HSDL2: variants seen among roughly 807,000 people sequenced by gnomAD.
The protein encoded by HSDL2 is hydroxysteroid dehydrogenase like 2, also known as hydroxysteroid dehydrogenase-like protein 2.
Under a neutral mutation model 46.3 loss-of-function variants are expected in HSDL2, and 27 were observed. The observed-to-expected ratio is 0.58, with a 90% CI of 0.43 to 0.80. The LOEUF (loss-of-function observed/expected upper bound fraction) is 0.80, where lower values mean the gene tolerates loss of function less well. Among genes scored for constraint, HSDL2 ranks in the 30% least tolerant of loss-of-function variants. The probability of loss-of-function intolerance (pLI) is 0.00; values close to 1 mark genes in which losing one functional copy is unlikely to be tolerated. For synonymous variants in HSDL2, 153 were observed against 163.6 expected (o/e 0.94, Z 0.50); for missense variants, 451 against 502.7 (o/e 0.90, Z 0.98).
intron 6 of HSDL2, among the ~76,000 whole-genome samples, chr9:112,429,332 G>A (rs1292394519): frequency 6.6e-6 from 1 of 152,160 alleles, no homozygotes; most frequent in African/African-American, 2.4e-5. Context: ...GGCAACATGG[G>A]TACTAAGATG....
At chr9:112,463,840 T>A (rs1008363971) in intron 10 of HSDL2, among the ~76,000 whole-genome samples, 2 of 151,862 alleles carry the variant, frequency 1.3e-5, no homozygotes, top group African/African-American at 2.4e-5. Context: ...TTTGTATTTT[T>A]ACTAGAGACG....
intron 10 of HSDL2, among the ~76,000 whole-genome samples, chr9:112,464,159 G>A (rs897228962): frequency 6.6e-6 from 1 of 151,732 alleles, no homozygotes; most frequent in Non-Finnish European, 1.5e-5. Flanking sequence ...TTGAGGCCAG[G>A]AGTATGAGAC....
intron 5 of HSDL2, among the ~76,000 whole-genome samples, chr9:112,418,627 T>C (rs1832049503): frequency 6.6e-6 from 1 of 151,990 alleles, no homozygotes; most frequent in Non-Finnish European, 1.5e-5. Context: ...TATGTGTGTA[T>C]TACTATTTTC....
chr9:112,403,212 A>G (rs1041587020), intron 1 of HSDL2, among the ~76,000 whole-genome samples: 4 of 152,146 alleles, frequency 2.6e-5, no homozygotes, highest in Non-Finnish European at 5.9e-5. Flanking sequence ...TAATCATCCT[A>G]GAAGGAAACC....
At chr9:112,406,573 C>T (rs559153038) in intron 3 of HSDL2, among the ~76,000 whole-genome samples, 4 of 152,096 alleles carry the variant, frequency 2.6e-5, no homozygotes, top group Admixed American at 1.3e-4. Flanking sequence ...TGGGTTCAAG[C>T]GATTCTCCTG....
chr9:112,455,258 A>T (rs1282858391), intron 9 of HSDL2, among the ~76,000 whole-genome samples: 1 of 151,774 alleles, frequency 6.6e-6, no homozygotes, highest in African/African-American at 2.4e-5. Flanking sequence ...AATAAAAGTT[A>T]AGAAACAGAT....
chr9:112,380,661 G>A (rs1208207814), intron 1 of HSDL2, among the ~76,000 whole-genome samples: 1 of 151,924 alleles, frequency 6.6e-6, no homozygotes. Context: ...TATCTTTGGG[G>A]GATTTTTTTT....
intron 1 of HSDL2, among the ~76,000 whole-genome samples, chr9:112,381,611 C>T (rs912672022): frequency 1.3e-5 from 2 of 152,062 alleles, no homozygotes; most frequent in African/African-American, 4.8e-5. Flanking sequence ...GCCTCGGCCT[C>T]CCAAAGTGCT....
intron 1 of HSDL2, among the ~76,000 whole-genome samples, chr9:112,386,171 C>A (rs948880774): frequency 6.6e-6 from 1 of 151,952 alleles, no homozygotes; most frequent in Non-Finnish European, 1.5e-5. Context: ...TTTTTTAACC[C>A]CACAAGTATT....
Position 112,441,752 on chromosome 9 carries a change from A to G in HSDL2, c.847A>G (p.Lys283Glu), listed in dbSNP as rs1171127487. Reference protein sequence around the residue: ...FLDEYPEAVSKKVESTGAVPE... With the variant: ...FLDEYPEAVSEKVESTGAVPE... ...AGATGAATACCCAGAAGCAGTTAGC[A>G]AGAAAGTGGAATCAACTGGTAAGAT... Residue 283 changes from lysine (K) to glutamate (E), a missense_variant, in exon 8 of 11, where the codon AAG becomes GAG. Coordinates refer to ENST00000398805, the MANE Select transcript of HSDL2 (RefSeq NM_032303.5). The G allele has an allele frequency of 6.2e-7, 1 of 1,605,526 alleles. No individual in the cohort carries two copies. Among genetic ancestry groups the G allele is most frequent in the African/African-American group, 1.3e-5 (1 of 74,732 alleles).
chr9:112,402,386 G>C (rs769333701), intron 1 of HSDL2, among the ~76,000 whole-genome samples: 3 of 152,000 alleles, frequency 2.0e-5, no homozygotes, highest in Non-Finnish European at 4.4e-5. Flanking sequence ...CCAAGACCCT[G>C]TCTGTACAAA....
chr9:112,438,756 G>T (rs139226182), intron 7 of HSDL2, 131 bp downstream of exon 7: 30 of 581,782 alleles, frequency 5.2e-5, no homozygotes, highest in Non-Finnish European at 8.5e-5. Context: ...TCTTCCCAAT[G>T]AAGGAAGAAA....
At chr9:112,460,253 T>C (rs923485091) in intron 10 of HSDL2, among the ~76,000 whole-genome samples, 3 of 152,220 alleles carry the variant, frequency 2.0e-5, no homozygotes, top group African/African-American at 7.2e-5. Flanking sequence ...TTATAAATGT[T>C]ATTCAGACTT....
chr9:112,391,051 C>T (rs957393061), intron 1 of HSDL2, among the ~76,000 whole-genome samples: 1 of 151,932 alleles, frequency 6.6e-6, no homozygotes, highest in South Asian at 2.1e-4. Flanking sequence ...TGGCACATGC[C>T]TGTAATCCCA....
intron 5 of HSDL2, among the ~76,000 whole-genome samples, chr9:112,417,904 T>G (rs752272640): frequency 2.0e-5 from 3 of 151,504 alleles, no homozygotes; most frequent in Non-Finnish European, 4.4e-5. Context: ...ATAGTGAAAC[T>G]CCATCTCTAC....
At chr9:112,395,119 T>C (rs1002097100) in intron 1 of HSDL2, among the ~76,000 whole-genome samples, 2 of 151,810 alleles carry the variant, frequency 1.3e-5, no homozygotes, top group East Asian at 1.9e-4. Flanking sequence ...ATAGAAATGG[T>C]GAGATTTTTA....
At chr9:112,407,483 C>T (rs561091481) in intron 3 of HSDL2, among the ~76,000 whole-genome samples, 2 of 152,094 alleles carry the variant, frequency 1.3e-5, no homozygotes, top group African/African-American at 4.8e-5. Flanking sequence ...GTGGCATGAT[C>T]GTGGCTCACC....
At chr9:112,438,733 C>A in intron 7 of HSDL2, 108 bp downstream of exon 7, 1 of 640,264 alleles carries the variant, frequency 1.6e-6, no homozygotes, top group Non-Finnish European at 2.6e-6. Context: ...TGAATGTGTT[C>A]TTTTAAAAGC....
rs755338660 is a variant in HSDL2, at chr9:112,416,848, G to A, written c.403G>A (p.Ala135Thr). 2.7e-6 allele frequency: 4 copies of A among 1,501,720 alleles called. No homozygotes were observed. In the South Asian group the frequency reaches 4.6e-5, roughly 17 times the overall value. The allele number at this position is 1,501,720 out of a possible 1,614,324, so 93.0% of individuals were successfully genotyped here. A position where few individuals can be genotyped will look rare whatever the true frequency, so the allele number is the denominator to read the frequency against. Reference sequence around the variant, plus strand: ...ATTTTCTTTTGCTTTCAGATCTAAAGCATGTATTCCTTATTTGAAAAAGAG... The same window carrying A: ...ATTTTCTTTTGCTTTCAGATCTAAAACATGTATTCCTTATTTGAAAAAGAG... ...NTRGTYLASK[A>T]CIPYLKKSKV... The change falls in exon 5 of 11, where the codon GCA becomes ACA. Residue 135 changes from alanine (A) to threonine (T), a missense_variant. Transcript: ENST00000398805.
Sources: gnomAD v4.1 joint callset for allele counts (sites outside exome capture counted in the v4.1 genomes callset) on GRCh38, gnomAD v4.1.1 for gene constraint, MANE v1.5 for transcripts, NCBI Gene and HGNC (gene_info 2026-07-23, HGNC 2026-07-21) for gene names.